Variants in GATAD2A observed in about 807,000 individuals in gnomAD.
GATAD2A encodes GATA zinc finger domain containing 2A, also known as transcriptional repressor p66-alpha.
A neutral mutation model predicts 68.5 loss-of-function variants in GATAD2A; 12 were observed. The observed-to-expected ratio is 0.18, with a 90% CI of 0.11 to 0.28. The LOEUF is 0.28. GATAD2A is among the 10% of genes least tolerant of loss of function. The probability of loss-of-function intolerance (pLI) is 1.00; values close to 1 mark genes in which losing one functional copy is unlikely to be tolerated. For synonymous variants in GATAD2A, 410 were observed against 375.3 expected (o/e 1.09, Z -1.07); for missense variants, 755 against 868.5 (o/e 0.87, Z 1.64).
chr19:19,449,510 T>G (rs970841985), intron 1 of GATAD2A, among the ~76,000 whole-genome samples: 2 of 151,954 alleles, frequency 1.3e-5, no homozygotes, highest in South Asian at 4.2e-4. Flanking sequence ...TTTTAAAACG[T>G]TGATGGTTAC....
intron 1 of GATAD2A, among the ~76,000 whole-genome samples, chr19:19,400,499 A>C (rs1252361657): frequency 1.3e-5 from 2 of 152,298 alleles, no homozygotes; most frequent in Middle Eastern, 3.4e-3. Flanking sequence ...CTCTTGATCT[A>C]GTGTGAGAAT....
chr19:19,419,361 GTGGCTGTTCC>G (rs2052052846), intron 1 of GATAD2A, among the ~76,000 whole-genome samples: 1 of 152,280 alleles, frequency 6.6e-6, no homozygotes, highest in African/African-American at 2.4e-5. Context: ...CAGAGGCCAG[GTGGCTGTTCC>G]TGCCCATGGA....
intron 2 of GATAD2A, among the ~76,000 whole-genome samples, chr19:19,470,693 C>T (rs200669527): frequency 1.3e-5 from 2 of 151,854 alleles, no homozygotes; most frequent in Non-Finnish European, 1.5e-5. Flanking sequence ...TGTAGGTGAA[C>T]GTTCTCTGTT....
At chr19:19,438,503 G>A (rs2054622349) in intron 1 of GATAD2A, among the ~76,000 whole-genome samples, 1 of 152,220 alleles carries the variant, frequency 6.6e-6, no homozygotes, top group Non-Finnish European at 1.5e-5. Flanking sequence ...ATTGTTTGAG[G>A]GCAGCAGGGC....
intron 1 of GATAD2A, among the ~76,000 whole-genome samples, chr19:19,447,814 G>A (rs748601366): frequency 2.6e-5 from 4 of 152,222 alleles, no homozygotes; most frequent in Non-Finnish European, 5.9e-5. Context: ...TGATGAAAAT[G>A]GCAACAGATG....
At chr19:19,388,456 G>A (rs2048613519) in intron 1 of GATAD2A, among the ~76,000 whole-genome samples, 1 of 152,072 alleles carries the variant, frequency 6.6e-6, no homozygotes, top group Admixed American at 6.6e-5. Flanking sequence ...CCACTCTAGG[G>A]GTATTCTCTG....
At chr19:19,418,185 C>T (rs372502604) in intron 1 of GATAD2A, among the ~76,000 whole-genome samples, 21 of 152,058 alleles carry the variant, frequency 1.4e-4, no homozygotes, top group Admixed American at 2.6e-4. Flanking sequence ...CTGTGATGGC[C>T]GAGGATGCAG....
rs2056940888 is a variant in GATAD2A, at chr19:19,456,424, A to ACT, written c.-6-8915_-6-8914dup. On this transcript the variant is annotated intron_variant, in intron 1 of 11. Transcript: ENST00000683918. Reference sequence around the variant, plus strand: ...AAGTTTTCCCCGAGGTGAGGGTCAGACTTGCAACATTTGTATATTTCTTAG... The same window carrying ACT: ...AAGTTTTCCCCGAGGTGAGGGTCAGACTCTTGCAACATTTGTATATTTCTTAG... 2.0e-5 allele frequency among the ~76,000 whole-genome samples: 3 copies of ACT among 152,232 alleles called. 1 individual carries two copies. The South Asian group carries it at 6.2e-4, about 32-fold the overall frequency.
intron 2 of GATAD2A, among the ~76,000 whole-genome samples, chr19:19,467,147 G>A (rs898293920): frequency 5.3e-5 from 8 of 152,158 alleles, no homozygotes; most frequent in Non-Finnish European, 8.8e-5. Context: ...GGGCCGAGGC[G>A]GGTGGATCAC....
chr19:19,435,271 G>T (rs1176761308), intron 1 of GATAD2A: 1 of 388,156 alleles, frequency 2.6e-6, no homozygotes, highest in African/African-American at 2.1e-5. Flanking sequence ...GCCCAGGTTG[G>T]AGTGCAGTGG....
intron 2 of GATAD2A, chr19:19,474,108 C>T: frequency 1.0e-6 from 1 of 985,162 alleles, no homozygotes; most frequent in Non-Finnish European, 1.2e-6. Context: ...ATGGGGCCAG[C>T]TGGAAAAAAG....
chr19:19,495,809 G>A lies in GATAD2A; in HGVS notation c.680G>A (p.Gly227Glu). Residue 227 changes from glycine to glutamate, a missense_variant, in exon 6 of 12, where the codon GGG (glycine) becomes GAG (glutamate). By Grantham distance (98) the Gly-to-Glu change is moderately conservative. Coordinates refer to ENST00000683918, the MANE Select transcript of GATAD2A (RefSeq NM_001384528.1). The part of the protein sequence containing the change: ...SVIPPPLVRG[G>E]QQASSKLGPQ... ...ATACCCCCGCCCCTGGTCCGAGGTG[G>A]GCAGCAGGCGTCCTCGAAGCTGGGG... The A allele has an allele frequency of 6.2e-7, 1 of 1,613,740 alleles. No individual in the cohort carries two copies. Among genetic ancestry groups the A allele is most frequent in the Non-Finnish European group, 8.5e-7 (1 of 1,179,890 alleles).
chr19:19,465,970 C>T (rs956642043), intron 2 of GATAD2A, among the ~76,000 whole-genome samples: 3 of 152,200 alleles, frequency 2.0e-5, no homozygotes, highest in Non-Finnish European at 4.4e-5. Flanking sequence ...TTATGCTTCC[C>T]TGCTTTTCAG....
At chr19:19,495,906 G>C (rs1353491243) in intron 6 of GATAD2A, 21 bp downstream of exon 6, 10 of 1,603,590 alleles carry the variant, frequency 6.2e-6, no homozygotes, top group African/African-American at 2.7e-5. Context: ...CTGTGCACAT[G>C]GGGGAGACCT....
At chr19:19,467,652 C>G (rs891542424) in intron 2 of GATAD2A, among the ~76,000 whole-genome samples, 29 of 152,108 alleles carry the variant, frequency 1.9e-4, no homozygotes, top group African/African-American at 6.8e-4. Context: ...TTTTTCAAAA[C>G]TACCTTTTTT....
chr19:19,434,024 T>C (rs990760135), intron 1 of GATAD2A, among the ~76,000 whole-genome samples: 3 of 152,234 alleles, frequency 2.0e-5, no homozygotes, highest in Admixed American at 2.0e-4. Context: ...CTGCCTGCCA[T>C]GGCCTCCCAA....
chr19:19,457,012 A>G (rs2056994979), intron 1 of GATAD2A: 1 of 746,118 alleles, frequency 1.3e-6, no homozygotes, highest in South Asian at 6.0e-5. Context: ...CAAAGGAGCA[A>G]CAGATTTGGA....
In GATAD2A at chr19:19,507,849, A is replaced by C. The variant is rs930758869; in HGVS notation, c.*2375A>C. On this transcript the variant is annotated 3_prime_UTR_variant, in exon 12 of 12. Coordinates refer to ENST00000683918, the MANE Select transcript of GATAD2A (RefSeq NM_001384528.1). ...ACACTCTAGCCCATTATTTCCTTTC[A>C]GTTCCTTGCAGCATAACCTCTACGA... The C allele has an allele frequency of 1.3e-5, 2 of 152,016 alleles. No homozygotes were observed. Among genetic ancestry groups the C allele is most frequent in the East Asian group, 3.9e-4 (2 of 5,170 alleles). 9.4% of individuals were successfully genotyped at this position (152,016 alleles called of 1,614,324 possible). A position where few individuals can be genotyped will look rare whatever the true frequency, so the allele number is the denominator to read the frequency against.
At chr19:19,495,677 G>A in intron 5 of GATAD2A, 77 bp from the exon 6 acceptor site, 9 of 958,426 alleles carry the variant, frequency 9.4e-6, no homozygotes, top group South Asian at 5.7e-5. Flanking sequence ...TTTCATAAAA[G>A]CAGCAAAACT....
Sources: allele counts gnomAD v4.1 joint callset (sites outside exome capture counted in the v4.1 genomes callset), GRCh38; gene constraint gnomAD v4.1.1; transcripts MANE v1.5; gene names NCBI Gene and HGNC (gene_info 2026-07-23, HGNC 2026-07-21).